The following ANK3 variants were observed in gnomAD, a reference collection of about 807,000 sequenced individuals.
The protein encoded by ANK3 is ankyrin 3, also known as ankyrin-3.
A neutral mutation model predicts 370.9 loss-of-function variants in ANK3; 57 were observed. That is an observed-to-expected ratio of 0.15 (90% CI 0.12 to 0.19). The LOEUF (loss-of-function observed/expected upper bound fraction) is 0.19. Ranked by LOEUF, ANK3 falls within the 10% of genes least tolerant of loss-of-function variation. The pLI, the probability that ANK3 is intolerant of heterozygous loss-of-function variation, is 1.00. For synonymous variants in ANK3, 1,929 were observed against 1,946.3 expected (o/e 0.99, Z 0.23); for missense variants, 4,439 against 5,302.1 (o/e 0.84, Z 5.06).
chr10:60,627,138 CA>C (rs2078422386), intron 1 of ANK3, among the ~76,000 whole-genome samples: 1 of 152,038 alleles, frequency 6.6e-6, no homozygotes, highest in African/African-American at 2.4e-5. Flanking sequence ...AGAAAAGAAA[CA>C]AGATAGTCTG....
intron 42 of ANK3, among the ~76,000 whole-genome samples, chr10:60,050,315 A>G (rs1296279863): frequency 1.3e-5 from 2 of 152,194 alleles, no homozygotes; most frequent in African/African-American, 4.8e-5. Flanking sequence ...GATTTGCAGG[A>G]TAACTCAAAA....
Position 60,073,138 on chromosome 10 carries a change from C to T in ANK3, c.7743G>A (p.Val2581=). 2 of 1,614,140 alleles carry T rather than the reference C, an allele frequency of 1.2e-6. No individual in the cohort carries two copies. Among genetic ancestry groups the T allele is most frequent in the Non-Finnish European group, 1.7e-6 (2 of 1,180,010 alleles). Residue 2581 remains valine (V), a synonymous_variant, in exon 37 of 44, where the codon GTG becomes GTA. Transcript: ENST00000280772. Reference sequence around the variant, plus strand: ...CAGTCAGTTTTTCTTCAGCCTCCTTCACAGTCCTGTCCACCCTATCTTCAT... The same window carrying T: ...CAGTCAGTTTTTCTTCAGCCTCCTTTACAGTCCTGTCCACCCTATCTTCAT... The part of the protein sequence containing the change: ...LIYEDRVDRT[V]KEAEEKLTEV...
chr10:60,341,951 C>T (rs1386695782), intron 1 of ANK3, among the ~76,000 whole-genome samples: 1 of 152,056 alleles, frequency 6.6e-6, no homozygotes, highest in African/African-American at 2.4e-5. Flanking sequence ...GAGATATCTT[C>T]CAGAAAGATA....
intron 2 of ANK3, among the ~76,000 whole-genome samples, chr10:60,496,159 T>G (rs1467410398): frequency 6.6e-6 from 1 of 152,196 alleles, no homozygotes; most frequent in Non-Finnish European, 1.5e-5. Context: ...TAGATGTGGA[T>G]ACTACCAAGG....
chr10:60,367,249 G>A (rs986722015), intron 1 of ANK3, among the ~76,000 whole-genome samples: 2 of 152,094 alleles, frequency 1.3e-5, no homozygotes, highest in Admixed American at 6.5e-5. Context: ...GACATCTGAC[G>A]GAAGACTTGC....
intron 37 of ANK3, 136 bp from the exon 38 acceptor site, chr10:60,068,145 A>G (rs1231409365): frequency 7.1e-6 from 5 of 699,564 alleles, no homozygotes; most frequent in South Asian, 2.2e-5. Flanking sequence ...AGTCACCTAC[A>G]TGAACACTTC....
chr10:60,635,707 C>CA (rs3048271), intron 1 of ANK3, among the ~76,000 whole-genome samples: 137 of 148,908 alleles, frequency 9.2e-4, no homozygotes, highest in Admixed American at 3.3e-3. Context: ...CTGGATATTA[C>CA]AAAAAAAAAA....
chr10:60,647,085 G>A lies in ANK3; in HGVS notation c.58-31861C>T, dbSNP rs1039360781. 2.6e-5 allele frequency among the ~76,000 whole-genome samples: 4 copies of A among 152,216 alleles called. No homozygotes were observed. The South Asian group carries it at 6.2e-4, about 24-fold the overall frequency. On this transcript the variant is annotated intron_variant, in intron 1 of 43. Transcript: ENST00000373827. ...TAACATATTTGAATCATTTTTAAGC[G>A]AAAACACTGATGAGCAAGTAGGTGA...
chr10:60,246,255 C>CCAAAAAAA (rs2097550429), intron 7 of ANK3, among the ~76,000 whole-genome samples: 6 of 92,694 alleles, frequency 6.5e-5, no homozygotes, highest in South Asian at 3.6e-4. Flanking sequence ...AACCCTGTAT[C>CCAAAAAAA]AAAAAAAAAA....
intron 2 of ANK3, among the ~76,000 whole-genome samples, chr10:60,591,715 C>T (rs942904378): frequency 6.6e-6 from 1 of 152,098 alleles, no homozygotes; most frequent in Admixed American, 6.6e-5. Context: ...ACAGGTGATA[C>T]ATATACACAA....
intron 1 of ANK3, among the ~76,000 whole-genome samples, chr10:60,673,415 A>G (rs2079085969): frequency 6.6e-6 from 1 of 152,060 alleles, no homozygotes; most frequent in East Asian, 1.9e-4. Flanking sequence ...CAATGGTGCA[A>G]TCTCGGCTCA....
intron 2 of ANK3, among the ~76,000 whole-genome samples, chr10:60,600,744 T>C (rs1473370107): frequency 6.6e-6 from 1 of 152,180 alleles, no homozygotes; most frequent in Admixed American, 6.5e-5. Context: ...TATGTAACAT[T>C]TGATTAGATA....
intron 25 of ANK3, among the ~76,000 whole-genome samples, chr10:60,126,627 G>A (rs2093772030): frequency 6.6e-6 from 1 of 151,634 alleles, no homozygotes. Context: ...GGTAGAGGTT[G>A]CAGTGAGCTG....
intron 42 of ANK3, among the ~76,000 whole-genome samples, chr10:60,052,196 A>G (rs1235854192): frequency 6.6e-5 from 10 of 152,060 alleles, no homozygotes; most frequent in Non-Finnish European, 8.8e-5. Context: ...CCCTGTCTCT[A>G]CTAAAATACA....
chr10:60,203,892 A>G (rs1025339252), intron 11 of ANK3, among the ~76,000 whole-genome samples: 3 of 152,238 alleles, frequency 2.0e-5, no homozygotes, highest in South Asian at 2.1e-4. Flanking sequence ...TTTAAAGAGT[A>G]TAATTTACTC....
At chr10:60,286,259 T>A (rs1184167722) in intron 1 of ANK3, among the ~76,000 whole-genome samples, 1 of 152,132 alleles carries the variant, frequency 6.6e-6, no homozygotes, top group East Asian at 1.9e-4. Flanking sequence ...TTAACATTTA[T>A]GTACCCCTCT....
intron 1 of ANK3, among the ~76,000 whole-genome samples, chr10:60,732,288 T>G (rs1443546090): frequency 6.6e-6 from 1 of 152,190 alleles, no homozygotes; most frequent in African/African-American, 2.4e-5. Flanking sequence ...CGACTACTGT[T>G]TCTCAGGAAC....
At chr10:60,095,979 G>C (rs1041263987) in intron 28 of ANK3, among the ~76,000 whole-genome samples, 68 of 152,242 alleles carry the variant, frequency 4.5e-4, no homozygotes, top group African/African-American at 1.6e-3. Context: ...TTCAAGACCA[G>C]TGTGGCCAAC....
chr10:60,258,415 A>T lies in ANK3; in HGVS notation c.798+3444T>A, dbSNP rs568893355. 7.2e-5 allele frequency among the ~76,000 whole-genome samples: 11 copies of T among 152,350 alleles called. 1 individual carries two copies. The South Asian group carries it at 2.3e-3, about 32-fold the overall frequency. On this transcript the variant is annotated intron_variant, in intron 7 of 43. Coordinates refer to ENST00000280772, the MANE Select transcript of ANK3 (RefSeq NM_020987.5). ...AAAATTACAATGCAAACATCATAAT[A>T]AAAATTGAAGGAAAGGTGTTATTGA...
Sources: gnomAD v4.1 joint callset for allele counts (sites outside exome capture counted in the v4.1 genomes callset) on GRCh38, gnomAD v4.1.1 for gene constraint, MANE v1.5 for transcripts, NCBI Gene and HGNC (gene_info 2026-07-23, HGNC 2026-07-21) for gene names.